The following PNOC variants were observed in gnomAD, a reference collection of about 807,000 sequenced individuals.
PNOC encodes the protein prepronociceptin.
Under a neutral mutation model 15.6 loss-of-function variants are expected in PNOC, and 10 were observed. The ratio of observed to expected loss-of-function variants is 0.64; its 90% CI spans 0.40 to 1.09. The LOEUF (loss-of-function observed/expected upper bound fraction) is 1.09, where lower values mean the gene tolerates loss of function less well. PNOC is among the 50% of genes least tolerant of loss of function. The pLI is 0.01. For synonymous variants in PNOC, 98 were observed against 88.5 expected (o/e 1.11, Z -0.60); for missense variants, 220 against 223.9 (o/e 0.98, Z 0.11).
intron 1 of PNOC, among the ~76,000 whole-genome samples, chr8:28,321,299 G>A (rs1341266577): frequency 2.1e-5 from 3 of 145,124 alleles, no homozygotes; most frequent in African/African-American, 7.7e-5. Flanking sequence ...CTAAGTTGCT[G>A]GGATTGCAGT....
At chr8:28,330,388 TTTATTTTA>T (rs1801302956) in intron 2 of PNOC, among the ~76,000 whole-genome samples, 2 of 76,920 alleles carry the variant, frequency 2.6e-5, no homozygotes, top group Non-Finnish European at 6.2e-5. Context: ...TTTATTTTAT[TTTATTTTA>T]TTTTTTTTTT....
In PNOC at chr8:28,330,397, T is replaced by TA. The variant is rs1554517534; in HGVS notation, c.126+1114_126+1115insA. 5.5e-3 allele frequency among the ~76,000 whole-genome samples: 446 copies of TA among 80,794 alleles called. 8 individuals carry two copies. The highest frequency in any genetic ancestry group is 7.8e-3 in the Admixed American group (48 of 6,162). 53.0% of individuals were successfully genotyped at this position (80,794 alleles called of 152,430 possible). On this transcript the variant is annotated intron_variant, in intron 2 of 3. Coordinates refer to ENST00000301908, the MANE Select transcript of PNOC (RefSeq NM_006228.5). ...TTTTATTTTATTTTATTTTATTTTA[T>TA]TTTTTTTTTTTTTTTGAGACGGAGT...
chr8:28,328,808 C>T (rs1801269083), intron 1 of PNOC, among the ~76,000 whole-genome samples: 1 of 152,080 alleles, frequency 6.6e-6, no homozygotes, highest in Non-Finnish European at 1.5e-5. Context: ...CTATCTCTGC[C>T]ACCACACAGC....
intron 2 of PNOC, among the ~76,000 whole-genome samples, chr8:28,333,271 CCA>C: frequency 1.3e-5 from 2 of 152,280 alleles, no homozygotes; most frequent in Admixed American, 1.3e-4. Flanking sequence ...ATCTTTGAGC[CCA>C]GACACCCAAA....
chr8:28,325,317 G>A (rs1296894566), intron 1 of PNOC, among the ~76,000 whole-genome samples: 1 of 152,092 alleles, frequency 6.6e-6, no homozygotes, highest in Admixed American at 6.6e-5. Flanking sequence ...ATGAGTTGGA[G>A]AAGGATATTC....
chr8:28,321,075 G>A (rs1251015176), intron 1 of PNOC, among the ~76,000 whole-genome samples: 1 of 152,036 alleles, frequency 6.6e-6, no homozygotes, highest in African/African-American at 2.4e-5. Flanking sequence ...GTCTCACTCT[G>A]TCACCCACAC....
intron 1 of PNOC, among the ~76,000 whole-genome samples, chr8:28,326,275 C>T (rs1194105710): frequency 6.6e-6 from 1 of 151,898 alleles, no homozygotes; most frequent in Non-Finnish European, 1.5e-5. Context: ...TTGCTTGCGC[C>T]CAGGAGTTCA....
intron 2 of PNOC, among the ~76,000 whole-genome samples, chr8:28,330,400 T>TATTTTATTTTTTTTTTTTTTTA (rs1431540071): frequency 2.9e-5 from 3 of 102,228 alleles, no homozygotes; most frequent in Non-Finnish European, 2.0e-5. Context: ...TATTTTATTT[T>TATTTTATTTTTTTTTTTTTTTA]TTTTTTTTTT....
intron 3 of PNOC, among the ~76,000 whole-genome samples, chr8:28,341,467 G>C (rs951158022): frequency 1.3e-5 from 2 of 152,204 alleles, no homozygotes; most frequent in African/African-American, 2.4e-5. Flanking sequence ...AAATCTTAAA[G>C]ACATTCTTCT....
At chr8:28,327,346 AAACCACTGATCTAATC>A (rs1325179273) in intron 1 of PNOC, among the ~76,000 whole-genome samples, 1 of 152,248 alleles carries the variant, frequency 6.6e-6, no homozygotes, top group African/African-American at 2.4e-5. Flanking sequence ...ATAAGATTGC[AAACCACTGATCTAATC>A]AACCAATCCT....
intron 2 of PNOC, among the ~76,000 whole-genome samples, chr8:28,333,015 A>G (rs1438887140): frequency 1.3e-5 from 2 of 152,212 alleles, no homozygotes; most frequent in Non-Finnish European, 2.9e-5. Flanking sequence ...AGTTCTTTCT[A>G]TCTTCATGAG....
intron 1 of PNOC, among the ~76,000 whole-genome samples, chr8:28,325,663 A>AG (rs1801213343): frequency 8.6e-6 from 1 of 116,590 alleles, no homozygotes; most frequent in Admixed American, 9.2e-5. Flanking sequence ...AAAAAAAAAA[A>AG]AAGAAAAAGA....
At chr8:28,329,446 C>T (rs1801286461) in intron 2 of PNOC, among the ~76,000 whole-genome samples, 163 bp downstream of exon 2, 1 of 152,218 alleles carries the variant, frequency 6.6e-6, no homozygotes, top group South Asian at 2.1e-4. Flanking sequence ...ACAGGAGCTG[C>T]TCTTCTGACC....
At chr8:28,322,033 G>C (rs1459790191) in intron 1 of PNOC, among the ~76,000 whole-genome samples, 1 of 152,186 alleles carries the variant, frequency 6.6e-6, no homozygotes, top group Non-Finnish European at 1.5e-5. Flanking sequence ...TCTTCTGATG[G>C]ACATGCAGCT....
At chr8:28,329,762 T>G (rs1278789440) in intron 2 of PNOC, among the ~76,000 whole-genome samples, 15 of 152,040 alleles carry the variant, frequency 9.9e-5, no homozygotes, top group African/African-American at 3.1e-4. Flanking sequence ...TAACCATGGA[T>G]AGAAAATATT....
chr8:28,327,801 CCA>C (rs1801250073), intron 1 of PNOC, among the ~76,000 whole-genome samples: 1 of 151,994 alleles, frequency 6.6e-6, no homozygotes, highest in Admixed American at 6.6e-5. Context: ...CAGGCATGAG[CCA>C]CTCTGCCCTG....
chr8:28,323,053 A>G (rs1801173982), intron 1 of PNOC, among the ~76,000 whole-genome samples: 1 of 152,258 alleles, frequency 6.6e-6, no homozygotes, highest in Admixed American at 6.5e-5. Context: ...CATCAAAATT[A>G]CAGGACTTCG....
chr8:28,332,182 C>A (rs913653515), intron 2 of PNOC, among the ~76,000 whole-genome samples: 2 of 152,190 alleles, frequency 1.3e-5, no homozygotes, highest in African/African-American at 4.8e-5. Context: ...GATGTGGCTG[C>A]CTGCTTGTTT....
At position 28,343,040 on chromosome 8, in the gene PNOC, C is replaced by G; in HGVS notation, c.*146C>G. 1.0e-6 allele frequency: 1 copy of G among 979,002 alleles called. No individual in the cohort carries two copies. The highest frequency in any genetic ancestry group is 1.7e-5 in the African/African-American group (1 of 57,264). 60.6% of individuals were successfully genotyped at this position (979,002 alleles called of 1,614,324 possible). A position where few individuals can be genotyped will look rare whatever the true frequency, so the allele number is the denominator to read the frequency against. On this transcript the variant is annotated 3_prime_UTR_variant, in exon 4 of 4. Transcript: ENST00000301908. ...CCCAAGGCACTGAGCGCCTGCAGAT[C>G]CCGCAGGCTTCGTTTGCCTCCAGAA...
Sources: gnomAD v4.1 joint callset for allele counts (sites outside exome capture counted in the v4.1 genomes callset) on GRCh38, gnomAD v4.1.1 for gene constraint, MANE v1.5 for transcripts, NCBI Gene and HGNC (gene_info 2026-07-23, HGNC 2026-07-21) for gene names.